Variants in ARHGEF10L observed in about 807,000 individuals in gnomAD.
ARHGEF10L encodes Rho guanine nucleotide exchange factor 10 like, also known as rho guanine nucleotide exchange factor 10-like protein.
ARHGEF10L carries 69 observed loss-of-function variants against 141.2 expected under a neutral mutation model. That is an observed-to-expected ratio of 0.49 (90% CI 0.40 to 0.60). The LOEUF is 0.60. Ranked by LOEUF, ARHGEF10L falls within the 20% of genes least tolerant of loss-of-function variation. The probability of loss-of-function intolerance (pLI) is 0.00; values close to 1 mark genes in which losing one functional copy is unlikely to be tolerated. For missense variants in ARHGEF10L, 1,482 were observed against 1,734.3 expected (o/e 0.85, Z 2.58); for synonymous variants, 711 against 718.5 (o/e 0.99, Z 0.17).
intron 1 of ARHGEF10L, among the ~76,000 whole-genome samples, chr1:17,546,082 C>T (rs953729514): frequency 1.1e-4 from 17 of 152,130 alleles, no homozygotes; most frequent in African/African-American, 4.1e-4. Context: ...CATCTGGGTG[C>T]CAGCAAAGGA....
chr1:17,650,047 A>G (rs950008101), intron 22 of ARHGEF10L, among the ~76,000 whole-genome samples: 2 of 152,190 alleles, frequency 1.3e-5, no homozygotes, highest in Non-Finnish European at 2.9e-5. Context: ...AGGGACTAGC[A>G]CAATTTGATA....
At chr1:17,546,163 G>C (rs917225548) in intron 1 of ARHGEF10L, among the ~76,000 whole-genome samples, 1 of 152,106 alleles carries the variant, frequency 6.6e-6, no homozygotes, top group Non-Finnish European at 1.5e-5. Flanking sequence ...AAATCTTTGA[G>C]GTTTCTTGGT....
In ARHGEF10L at chr1:17,671,121, C is replaced by T. The variant is rs185489903; in HGVS notation, c.3009+6526C>T. On this transcript the variant is annotated intron_variant, in intron 26 of 28. Coordinates refer to ENST00000361221, the MANE Select transcript of ARHGEF10L (RefSeq NM_018125.4). ...AACCAGTGAGTCCCAGGGCCGGGCA[C>T]GGCGCAGCCTCTCAGCCAGTTAGGG... Among the ~76,000 whole-genome samples the T allele has an allele frequency of 8.4e-3, 1,285 of 152,368 alleles. 61 individuals are homozygous for T. The highest frequency in any genetic ancestry group is 0.075 in the Admixed American group (1,144 of 15,300).
At chr1:17,536,006 G>A (rs2076571124), upstream of ARHGEF10L, among the ~76,000 whole-genome samples, 1 of 152,184 alleles carries the variant, frequency 6.6e-6, no homozygotes, top group African/African-American at 2.4e-5. Flanking sequence ...TGCAGGTAGG[G>A]GCCTGGGGCC....
intron 26 of ARHGEF10L, among the ~76,000 whole-genome samples, chr1:17,680,448 A>G (rs1441234286): frequency 1.3e-5 from 2 of 152,182 alleles, no homozygotes; most frequent in African/African-American, 2.4e-5. Context: ...TGTCAGCACT[A>G]TTTGGAGCAG....
rs1345969377 is a variant in ARHGEF10L at position 17,619,063 on chromosome 1, C to T, written c.836-276C>T. On this transcript the variant is annotated intron_variant, in intron 9 of 28. Coordinates refer to ENST00000361221, the MANE Select transcript of ARHGEF10L (RefSeq NM_018125.4). This position sits in a 1 kb window ranked among gnomAD's most constrained non-coding sequence, Gnocchi z 5.0. Reference sequence around the variant, plus strand: ...TCTGGCAGCATGGACGCCGAGAACCCAGGCCCCACAGGACGCAGCTTTGAT... The same window carrying T: ...TCTGGCAGCATGGACGCCGAGAACCTAGGCCCCACAGGACGCAGCTTTGAT... 6.6e-6 allele frequency among the ~76,000 whole-genome samples: 1 copy of T among 152,126 alleles called. No homozygotes were observed. Among genetic ancestry groups the T allele is most frequent in the African/African-American group, 2.4e-5 (1 of 41,416 alleles).
intron 25 of ARHGEF10L, among the ~76,000 whole-genome samples, chr1:17,657,943 C>T (rs893555303): frequency 6.6e-6 from 1 of 152,230 alleles, no homozygotes; most frequent in African/African-American, 2.4e-5. Flanking sequence ...GGAGGTGAGG[C>T]TGCCCTGACA....
intron 2 of ARHGEF10L, among the ~76,000 whole-genome samples, chr1:17,584,947 T>A (rs1228965868): frequency 6.6e-6 from 1 of 152,144 alleles, no homozygotes; most frequent in African/African-American, 2.4e-5. Flanking sequence ...TATACCAAGG[T>A]GAATTCATTA....
intron 21 of ARHGEF10L, among the ~76,000 whole-genome samples, chr1:17,647,827 T>C (rs777301530): frequency 1.1e-4 from 17 of 152,126 alleles, no homozygotes; most frequent in Non-Finnish European, 2.1e-4. Flanking sequence ...CCCCGAGCCA[T>C]GTAAAGGAGC....
rs367966995 is a variant in ARHGEF10L, at chr1:17,613,058, C to T, written c.610C>T (p.Leu204Phe). 2.5e-5 allele frequency: 40 copies of T among 1,612,582 alleles called. No individual in the cohort carries two copies. Among genetic ancestry groups the T allele is most frequent in the Non-Finnish European group, 3.0e-5 (35 of 1,179,060 alleles). Reference sequence around the variant, plus strand: ...TCTGCCTGGCCGCTTGGGGCTCCAGCTTTCTCCAGACCTGACTAGGCTAAA... The same window carrying T: ...TCTGCCTGGCCGCTTGGGGCTCCAGTTTTCTCCAGACCTGACTAGGCTAAA... ...AKHRVSFQPK[L>F]SPDLTRLKER... The change falls in exon 8 of 29, where the codon CTT becomes TTT. Residue 204 changes from leucine to phenylalanine, a missense_variant and splice_region_variant. Around this residue, in one of 3 missense-constraint regions of ARHGEF10L, gnomAD observed 392 missense variants for 542.1 expected, o/e 0.72. Transcript: ENST00000361221.
intron 7 of ARHGEF10L, among the ~76,000 whole-genome samples, chr1:17,610,704 G>A (rs1221984881): frequency 6.6e-6 from 1 of 152,228 alleles, no homozygotes; most frequent in Non-Finnish European, 1.5e-5. Context: ...CAAGCTGACA[G>A]CAGGGGTCTG....
intron 16 of ARHGEF10L, 137 bp from the exon 17 acceptor site, chr1:17,634,411 C>A: frequency 6.9e-7 from 1 of 1,442,490 alleles, no homozygotes; most frequent in Non-Finnish European, 9.7e-7. Flanking sequence ...CTGATGCCCT[C>A]ATTCCCCGCA....
rs1223653514 is a variant in ARHGEF10L at position 17,675,434 on chromosome 1, CAGGTGTGGGTGT to C, written c.3009+10851_3009+10862del. ...AGCAGATACTGTGCACGTATGGGTG[CAGGTGTGGGTGT>C]AGGTGTGGGTGCAGGTGTGGGTACA... On this transcript the variant is annotated intron_variant, in intron 26 of 28. Coordinates refer to ENST00000361221, the MANE Select transcript of ARHGEF10L (RefSeq NM_018125.4). Among the ~76,000 whole-genome samples, 163 of 152,176 alleles carry C rather than the reference CAGGTGTGGGTGT, an allele frequency of 1.1e-3. 1 individual carries two copies. The highest frequency in any genetic ancestry group is 3.7e-3 in the African/African-American group (154 of 41,520).
intron 27 of ARHGEF10L, 35 bp downstream of exon 27, chr1:17,687,782 C>T: frequency 2.6e-6 from 4 of 1,539,530 alleles, no homozygotes; most frequent in Non-Finnish European, 3.5e-6. Flanking sequence ...AGCGGACAGT[C>T]ACAGAGCACC....
intron 3 of ARHGEF10L, 118 bp downstream of exon 3, chr1:17,587,763 A>T: frequency 8.4e-7 from 1 of 1,191,588 alleles, no homozygotes; most frequent in South Asian, 1.6e-5. Flanking sequence ...GAAAGCAGGA[A>T]GGGAAAAGCC....
chr1:17,573,803 C>G lies in ARHGEF10L; in HGVS notation c.-43-6750C>G, dbSNP rs1356764852. Among the ~76,000 whole-genome samples, 1 of 151,992 alleles carries G rather than the reference C, an allele frequency of 6.6e-6. No homozygotes were observed. Among genetic ancestry groups the G allele is most frequent in the African/African-American group, 2.4e-5 (1 of 41,398 alleles). ...CTCCCCACTCTTCCTGCCTGCAGAT[C>G]CTCACCAGGGGCTCCCTAGGAGGTC... On this transcript the variant is annotated intron_variant, in intron 1 of 28. Coordinates refer to ENST00000361221, the MANE Select transcript of ARHGEF10L (RefSeq NM_018125.4). This position sits in a 1 kb window ranked among gnomAD's most constrained non-coding sequence, Gnocchi z 4.8.
intron 27 of ARHGEF10L, among the ~76,000 whole-genome samples, chr1:17,691,570 G>A (rs1282206203): frequency 6.6e-6 from 1 of 152,038 alleles, no homozygotes; most frequent in Admixed American, 6.6e-5. Flanking sequence ...TGGGTTTATG[G>A]CTCTGATGGA....
the ARHGEF10L span, among the ~76,000 whole-genome samples, chr1:17,524,159 G>C: frequency 1.3e-5 from 2 of 152,168 alleles, no homozygotes; most frequent in Non-Finnish European, 1.5e-5. Context: ...TGTAGTTCCA[G>C]CTACTCAAGA....
At chr1:17,588,899 T>TGTGTGTGTGTGTGTGTGTGTGTGTG (rs1557758147) in intron 4 of ARHGEF10L, among the ~76,000 whole-genome samples, 1 of 30,046 alleles carries the variant, frequency 3.3e-5, no homozygotes, top group African/African-American at 1.3e-4. Context: ...TGTGTGTGTG[T>TGTGTGTGTGTGTGTGTGTGTGTGTG]AGTGGGGGAG....
Sources: gnomAD v4.1 joint callset for allele counts (sites outside exome capture counted in the v4.1 genomes callset) on GRCh38, gnomAD v4.1.1 for gene constraint, gnomAD v4.1.1 regional missense constraint, Gnocchi (gnomAD v3.1) non-coding constraint, MANE v1.5 for transcripts, NCBI Gene and HGNC (gene_info 2026-07-23, HGNC 2026-07-21) for gene names.